Variants in MPHOSPH9 observed in about 807,000 individuals in gnomAD.
MPHOSPH9 encodes M-phase phosphoprotein 9.
In MPHOSPH9, 88 loss-of-function variants were observed where a neutral mutation model predicts 145.5. That is an observed-to-expected ratio of 0.60 (90% confidence interval 0.51 to 0.72). The LOEUF (loss-of-function observed/expected upper bound fraction) is 0.72, where lower values mean the gene tolerates loss of function less well. Among genes scored for constraint, MPHOSPH9 ranks in the 30% least tolerant of loss-of-function variants. The probability of loss-of-function intolerance (pLI) is 0.00; values close to 1 mark genes in which losing one functional copy is unlikely to be tolerated. For synonymous variants in MPHOSPH9, 435 were observed against 486.2 expected, an observed-to-expected ratio of 0.89 and a Z score of 1.39; for missense variants, 1,238 against 1,386.6, an observed-to-expected ratio of 0.89 and a Z score of 1.70.
chr12:123,210,128 C>G lies in MPHOSPH9; in HGVS notation c.1122G>C (p.Met374Ile). Residue 374 changes from methionine to isoleucine, a missense_variant, in exon 8 of 24, where the codon ATG becomes ATC. Physicochemically the swap from Met to Ile is conservative, Grantham distance 10 (BLOSUM62 1). Transcript: ENST00000606320. ...LTYWKLEEKDMHHSLPETLEK... is the reference protein window; with the variant it reads ...LTYWKLEEKDIHHSLPETLEK... ...CTAAAGTTTCAGGCAAAGAGTGGTG[C>G]ATATCCTTTTCCTCTAGTTTCCAGT... 3.1e-6 allele frequency: 5 copies of G among 1,608,166 alleles called. No homozygotes were observed. The highest frequency in any genetic ancestry group is 4.2e-6 in the Non-Finnish European group (5 of 1,176,884).
At chr12:123,180,376 G>A (rs1317659282) in intron 14 of MPHOSPH9, among the ~76,000 whole-genome samples, 1 of 152,176 alleles carries the variant, frequency 6.6e-6, no homozygotes, top group Non-Finnish European at 1.5e-5. Context: ...AGCTATGCAG[G>A]CCTTTTTGCT....
chr12:123,178,716 G>T (rs1222377299), intron 15 of MPHOSPH9, among the ~76,000 whole-genome samples: 2 of 152,124 alleles, frequency 1.3e-5, no homozygotes, highest in African/African-American at 4.8e-5. Flanking sequence ...TAGAGACAGG[G>T]TTTTGCCATG....
At position 123,202,297 on chromosome 12, in the gene MPHOSPH9, T is replaced by C. The variant is rs775653930; in HGVS notation, c.1804A>G (p.Lys602Glu). 2.5e-6 allele frequency: 4 copies of C among 1,607,398 alleles called. No individual in the cohort carries two copies. The highest frequency in any genetic ancestry group is 1.1e-5 in the South Asian group (1 of 89,008). Residue 602 changes from lysine (K) to glutamate (E), a missense_variant, in exon 11 of 24, where the codon AAG (lysine) becomes GAG (glutamate). By Grantham distance (56) the Lys-to-Glu change is moderately conservative. Around this residue, in one of 3 missense-constraint regions of MPHOSPH9, gnomAD observed 837 missense variants for 897.5 expected, o/e 0.93. Coordinates refer to ENST00000606320, the MANE Select transcript of MPHOSPH9 (RefSeq NM_022782.4). The stretch of plus-strand genomic sequence containing the variant: ...AGATCTGCTATGTGTCGAGCATGCT[T>C]TTCCTTCAGATTCTGCCTAATCCTT... Reference protein sequence around the residue: ...LSKIRQNLKEKHARHIADLRA... With the variant: ...LSKIRQNLKEEHARHIADLRA...
chr12:123,163,228 G>T lies in MPHOSPH9; in HGVS notation c.2909-94C>A, dbSNP rs558361987. On this transcript the variant is annotated intron_variant, in intron 19 of 23. Coordinates refer to ENST00000606320, the MANE Select transcript of MPHOSPH9 (RefSeq NM_022782.4). The stretch of plus-strand genomic sequence containing the variant: ...AGTATTTTTTTTCTAATTTTGAAAG[G>T]AATATAATTTCAACGTAAAACTTTG... 5.5e-5 allele frequency: 71 copies of T among 1,299,564 alleles called. No homozygotes were observed. The South Asian group carries it at 8.5e-4, about 15-fold the overall frequency. 80.5% of individuals were successfully genotyped at this position (1,299,564 alleles called of 1,614,324 possible).
intron 6 of MPHOSPH9, 94 bp from the exon 7 acceptor site, chr12:123,214,928 G>C: frequency 9.8e-7 from 1 of 1,021,192 alleles, no homozygotes; most frequent in Non-Finnish European, 1.5e-6. Context: ...ACCAGGTGGG[G>C]AGAAACCTTC....
At chr12:123,190,178 A>C (rs1375302693) in intron 13 of MPHOSPH9, among the ~76,000 whole-genome samples, 1 of 146,016 alleles carries the variant, frequency 6.8e-6, no homozygotes, top group Non-Finnish European at 1.5e-5. Context: ...TTTGAGATGG[A>C]GTCTCGCTCT....
chr12:123,212,165 T>C (rs1268925114), intron 7 of MPHOSPH9, among the ~76,000 whole-genome samples: 1 of 151,812 alleles, frequency 6.6e-6, no homozygotes, highest in Non-Finnish European at 1.5e-5. Context: ...TAAAATAGGA[T>C]AAAGGGGATA....
At position 123,154,767 on chromosome 12, in the gene MPHOSPH9, G is replaced by T. The variant is rs2043828692; in HGVS notation, c.*2040C>A. The T allele has an allele frequency of 1.3e-5, 2 of 152,084 alleles. No homozygotes were observed. The highest frequency in any genetic ancestry group is 2.9e-5 in the Non-Finnish European group (2 of 68,004). 9.4% of individuals were successfully genotyped at this position (152,084 alleles called of 1,614,324 possible). On this transcript the variant is annotated 3_prime_UTR_variant, in exon 24 of 24. Transcript: ENST00000606320. ...ATTAAAGGTGGTCTTACTAGGTCTT[G>T]ACACAAGCTGTACTGGAGCTTGATT... is the stretch of plus-strand genomic sequence containing the variant.
In MPHOSPH9 at chr12:123,211,684, CTT is replaced by C. The variant is rs147321517; in HGVS notation, c.1088-1524_1088-1523del. Among the ~76,000 whole-genome samples the C allele has an allele frequency of 4.1e-3, 279 of 67,770 alleles. 1 individual carries two copies. Among genetic ancestry groups the C allele is most frequent in the South Asian group, 0.021 (30 of 1,444 alleles). 44.5% of individuals were successfully genotyped at this position (67,770 alleles called of 152,430 possible). ...AAATATATTTTAAAATAGACAATTT[CTT>C]TTTTTTTTTTTTTTTTTTTTTTTCT... On this transcript the variant is annotated intron_variant, in intron 7 of 23. Transcript: ENST00000606320.
chr12:123,226,325 A>C, intron 3 of MPHOSPH9: 5 of 1,165,110 alleles, frequency 4.3e-6, no homozygotes, highest in Non-Finnish European at 5.4e-6. Context: ...TAAACCAGGT[A>C]ATCTTTCATT....
In MPHOSPH9 at chr12:123,194,418, G is replaced by C. The variant is rs2045851661; in HGVS notation, c.2209C>G (p.Gln737Glu). The C allele has an allele frequency of 7.5e-6, 12 of 1,601,814 alleles. No homozygotes were observed. Among genetic ancestry groups the C allele is most frequent in the Non-Finnish European group, 9.4e-6 (11 of 1,175,482 alleles). ...AYKLSDDKEA[Q>E]LKQENKMFQD... is the part of the protein sequence containing the mutation. ...AACATTTTGTTCTCTTGTTTTAGTT[G>C]AGCTTCTTTATCATCTGAGAGTTTG... The change falls in exon 13 of 24, where the codon CAA (glutamine) becomes GAA (glutamate). Residue 737 changes from glutamine (Q) to glutamate (E), a missense_variant. Physicochemically the swap from Gln to Glu is conservative, Grantham distance 29 (BLOSUM62 2). Transcript: ENST00000606320.
At chr12:123,196,387 T>A (rs1231510162) in intron 12 of MPHOSPH9, among the ~76,000 whole-genome samples, 2 of 152,044 alleles carry the variant, frequency 1.3e-5, no homozygotes, top group African/African-American at 4.8e-5. Flanking sequence ...CACCAAAATT[T>A]TGTTCATAAG....
At chr12:123,173,107 C>T (rs2044665532) in intron 16 of MPHOSPH9, among the ~76,000 whole-genome samples, 1 of 151,876 alleles carries the variant, frequency 6.6e-6, no homozygotes, top group South Asian at 2.1e-4. Flanking sequence ...AACTCCTGAC[C>T]TCAAGTGATC....
At chr12:123,168,956 C>T (rs1442497362) in intron 16 of MPHOSPH9, among the ~76,000 whole-genome samples, 2 of 151,512 alleles carry the variant, frequency 1.3e-5, no homozygotes, top group Non-Finnish European at 2.9e-5. Flanking sequence ...GCGATCTCGG[C>T]TCACGGCAAG....
chr12:123,219,567 A>G (rs976868122), intron 5 of MPHOSPH9, among the ~76,000 whole-genome samples: 2 of 151,748 alleles, frequency 1.3e-5, no homozygotes, highest in Non-Finnish European at 2.9e-5. Context: ...AAAAAAAAAA[A>G]AAAAAGACTA....
rs1446884755 is a variant in MPHOSPH9, at chr12:123,198,399, A to G, written c.1938-65T>C. On this transcript the variant is annotated intron_variant, in intron 11 of 23. Coordinates refer to ENST00000606320, the MANE Select transcript of MPHOSPH9 (RefSeq NM_022782.4). The stretch of plus-strand genomic sequence containing the variant: ...TATTACCCTTAAAAGTATTACATAA[A>G]TCTAACCAATTCTCTAATATATAAC... 6 of 1,257,770 alleles carry G rather than the reference A, an allele frequency of 4.8e-6. No homozygotes were observed. The Admixed American group carries it at 1.1e-4, about 23-fold the overall frequency. The allele number at this position is 1,257,770 out of a possible 1,614,324, so 77.9% of individuals were successfully genotyped here. A position where few individuals can be genotyped will look rare whatever the true frequency, so the allele number is the denominator to read the frequency against.
rs138080485 is a variant in MPHOSPH9, at chr12:123,228,500, C to T, written c.105-884G>A. Among the ~76,000 whole-genome samples, 393 of 152,178 alleles carry T rather than the reference C, an allele frequency of 2.6e-3. 1 individual carries two copies. The highest frequency in any genetic ancestry group is 8.5e-3 in the African/African-American group (352 of 41,520). On this transcript the variant is annotated intron_variant, in intron 2 of 23. Coordinates refer to ENST00000606320, the MANE Select transcript of MPHOSPH9 (RefSeq NM_022782.4). ...GTCAGGAGATCAAGACTGTCCTGGC[C>T]AACATGGTGAAACACCATCTCTACT... is the stretch of plus-strand genomic sequence containing the variant.
chr12:123,207,245 G>C (rs2046475951), intron 8 of MPHOSPH9, among the ~76,000 whole-genome samples: 1 of 150,826 alleles, frequency 6.6e-6, no homozygotes, highest in Admixed American at 6.6e-5. Context: ...ATACCGTAGA[G>C]TCAACAAAAT....
intron 4 of MPHOSPH9, 84 bp downstream of exon 4, chr12:123,222,954 A>G (rs878856537): frequency 4.5e-5 from 32 of 713,658 alleles, no homozygotes; most frequent in East Asian, 2.6e-4. Context: ...GTGTGTGTGT[A>G]TATATATATG....
Sources: gnomAD v4.1 joint callset for allele counts (sites outside exome capture counted in the v4.1 genomes callset) on GRCh38, gnomAD v4.1.1 for gene constraint, gnomAD v4.1.1 regional missense constraint, MANE v1.5 for transcripts, NCBI Gene and HGNC (gene_info 2026-07-23, HGNC 2026-07-21) for gene names.